Variants in SLC17A5 observed in about 807,000 individuals in gnomAD.
The protein encoded by SLC17A5 is sialin.
A neutral mutation model predicts 59.4 loss-of-function variants in SLC17A5; 47 were observed. The observed-to-expected ratio is 0.79, with a 90% CI of 0.63 to 1.01. The LOEUF is 1.01. Ranked by LOEUF, SLC17A5 falls within the 50% of genes least tolerant of loss-of-function variation. The probability of loss-of-function intolerance (pLI) is 0.00; values close to 1 mark genes in which losing one functional copy is unlikely to be tolerated. For missense variants in SLC17A5, 522 were observed against 595.5 expected (o/e 0.88, Z 1.28); for synonymous variants, 202 against 210.7 (o/e 0.96, Z 0.36).
At chr6:73,614,585 T>C (rs1581965472) in intron 8 of SLC17A5, among the ~76,000 whole-genome samples, 1 of 152,170 alleles carries the variant, frequency 6.6e-6, no homozygotes, top group Admixed American at 6.6e-5. Context: ...GGATTAGAGG[T>C]CTGGGACTTT....
intron 10 of SLC17A5, among the ~76,000 whole-genome samples, chr6:73,598,058 T>G (rs1378465591): frequency 2.6e-5 from 4 of 152,220 alleles, no homozygotes; most frequent in Non-Finnish European, 5.9e-5. Context: ...TTGAAACAGC[T>G]TCTTAGGATT....
chr6:73,627,413 A>G (rs1172272741), intron 6 of SLC17A5, among the ~76,000 whole-genome samples: 1 of 152,130 alleles, frequency 6.6e-6, no homozygotes. Context: ...AATTAAAAAT[A>G]TAACAGCCAC....
intron 10 of SLC17A5, among the ~76,000 whole-genome samples, chr6:73,597,987 C>T (rs745542941): frequency 1.3e-5 from 2 of 152,160 alleles, no homozygotes. Context: ...ATCTTAGATA[C>T]TCATCTTAAA....
At chr6:73,642,414 C>T (rs1320622349) in intron 2 of SLC17A5, among the ~76,000 whole-genome samples, 5 of 152,128 alleles carry the variant, frequency 3.3e-5, no homozygotes, top group East Asian at 1.9e-4. Flanking sequence ...TATTACTTAC[C>T]GAATGTGTGA....
At chr6:73,639,447 C>A (rs1289415161) in intron 3 of SLC17A5, among the ~76,000 whole-genome samples, 1 of 151,998 alleles carries the variant, frequency 6.6e-6, no homozygotes, top group African/African-American at 2.4e-5. Context: ...AAAAGTAATA[C>A]CAATGGAAGG....
chr6:73,612,266 A>G (rs1390056849), intron 8 of SLC17A5, among the ~76,000 whole-genome samples: 1 of 151,714 alleles, frequency 6.6e-6, no homozygotes, highest in Non-Finnish European at 1.5e-5. Context: ...AGGTTCAAGC[A>G]ATTCTCCTGC....
In SLC17A5 at chr6:73,595,166, T is replaced by A. The variant is rs753602797; in HGVS notation, c.1399A>T (p.Asn467Tyr). 1 of 1,614,096 alleles carries A rather than the reference T, an allele frequency of 6.2e-7. No homozygotes were observed. Among genetic ancestry groups the A allele is most frequent in the South Asian group, 1.1e-5 (1 of 91,084 alleles). The change falls in exon 11 of 11, where the codon AAT becomes TAT. Residue 467 changes from asparagine to tyrosine, a missense_variant. Asn to Tyr is a moderately radical substitution (Grantham distance 143). This residue lies in a region of SLC17A5 where 153 missense variants were observed against 168.5 expected (regional missense o/e 0.91). Transcript: ENST00000355773. ...QTVFYIAAAI[N>Y]VFGAIFFTLF... is the part of the protein sequence containing the mutation. Reference sequence around the variant, plus strand: ...GTAAAGAAAATGGCACCAAAAACATTAATAGCAGCAGCAATATAGAACACG... The same window carrying A: ...GTAAAGAAAATGGCACCAAAAACATAAATAGCAGCAGCAATATAGAACACG...
At chr6:73,627,713 C>T (rs1768496697) in intron 6 of SLC17A5, among the ~76,000 whole-genome samples, 1 of 151,446 alleles carries the variant, frequency 6.6e-6, no homozygotes, top group African/African-American at 2.4e-5. Flanking sequence ...ACTGCAGCCT[C>T]TGCCTCCCAG....
At chr6:73,611,301 C>T (rs758913830) in intron 8 of SLC17A5, among the ~76,000 whole-genome samples, 14 of 151,882 alleles carry the variant, frequency 9.2e-5, no homozygotes, top group Non-Finnish European at 1.8e-4. Context: ...TTTTTTTGAG[C>T]TGGAGTCTCA....
At chr6:73,637,294 T>C (rs1369488845) in intron 4 of SLC17A5, among the ~76,000 whole-genome samples, 4 of 152,182 alleles carry the variant, frequency 2.6e-5, no homozygotes, top group Non-Finnish European at 5.9e-5. Context: ...TGCTAGGCAC[T>C]ATCTGCCAGA....
At chr6:73,612,687 AC>A (rs1767684303) in intron 8 of SLC17A5, among the ~76,000 whole-genome samples, 1 of 152,074 alleles carries the variant, frequency 6.6e-6, no homozygotes, top group Non-Finnish European at 1.5e-5. Flanking sequence ...AGATTTTCTC[AC>A]CTTAGCCTCT....
At chr6:73,649,080 C>A (rs1581993658) in intron 1 of SLC17A5, among the ~76,000 whole-genome samples, 1 of 151,800 alleles carries the variant, frequency 6.6e-6, no homozygotes, top group African/African-American at 2.4e-5. Flanking sequence ...TCACTGCAAC[C>A]TCCATCTTCC....
rs548885264 is a variant in SLC17A5 at position 73,642,156 on chromosome 6, TAA to T, written c.292-234_292-233del. ...AACTTCAAGAAGGCTTGCAATTTTA[TAA>T]AACTAGACTGCAGGATGAGCTGCCA... On this transcript the variant is annotated intron_variant, in intron 2 of 10. Transcript: ENST00000355773. 7.9e-5 allele frequency among the ~76,000 whole-genome samples: 12 copies of T among 152,348 alleles called. No homozygotes were observed. The East Asian group carries it at 2.3e-3, about 29-fold the overall frequency.
At chr6:73,604,134 C>CT (rs892882001) in intron 9 of SLC17A5, among the ~76,000 whole-genome samples, 117 of 146,360 alleles carry the variant, frequency 8.0e-4, no homozygotes, top group Middle Eastern at 3.6e-3. Flanking sequence ...CAGAGCCTCT[C>CT]TTTTTTTTTT....
At chr6:73,645,493 A>G (rs890007147) in intron 1 of SLC17A5, 16 of 954,528 alleles carry the variant, frequency 1.7e-5, no homozygotes, top group Non-Finnish European at 2.0e-5. Context: ...CACCATGATT[A>G]AAAAAAAAGG....
At chr6:73,604,993 T>C (rs1418024966) in intron 9 of SLC17A5, among the ~76,000 whole-genome samples, 1 of 152,214 alleles carries the variant, frequency 6.6e-6, no homozygotes, top group Non-Finnish European at 1.5e-5. Flanking sequence ...ATCTTCATTT[T>C]ATTTTTAAAA....
intron 3 of SLC17A5, among the ~76,000 whole-genome samples, chr6:73,640,965 A>G (rs1769251063): frequency 6.6e-6 from 1 of 152,232 alleles, no homozygotes; most frequent in African/African-American, 2.4e-5. Context: ...GCGATAAAAA[A>G]GAAATTAAAT....
rs1214170788 is a variant in SLC17A5 at position 73,600,379 on chromosome 6, G to A, written c.1322C>T (p.Pro441Leu). ...TFATIPGMVG[P>L]VIAKSLTPDN... Reference sequence around the variant, plus strand: ...AGGGGTCAGACTTTTAGCAATGACGGGCCCAACCATTCCTGGAATAGTGGC... The same window carrying A: ...AGGGGTCAGACTTTTAGCAATGACGAGCCCAACCATTCCTGGAATAGTGGC... The change falls in exon 10 of 11, where the codon CCC (proline) becomes CTC (leucine). Residue 441 changes from proline to leucine, a missense_variant. Pro to Leu is a moderately conservative substitution (Grantham distance 98). This residue lies in a region of SLC17A5 where 153 missense variants were observed against 168.5 expected (regional missense o/e 0.91). Transcript: ENST00000355773. 7 of 1,613,870 alleles carry A rather than the reference G, an allele frequency of 4.3e-6. No homozygotes were observed. The Admixed American group carries it at 6.7e-5, about 15-fold the overall frequency.
chr6:73,610,565 T>C lies in SLC17A5; in HGVS notation c.1112-18A>G, dbSNP rs751782561. The stretch of plus-strand genomic sequence containing the variant: ...AATCATTCCTGGAGTTAAAAAGTTA[T>C]AAAAGGGAAAAAACACCCAGCATTA... On this transcript the variant is annotated intron_variant, in intron 8 of 10. Transcript: ENST00000355773. 705 of 1,613,394 alleles carry C rather than the reference T, an allele frequency of 4.4e-4. 3 individuals carry two copies. Among genetic ancestry groups the C allele is most frequent in the Non-Finnish European group, 2.4e-4 (288 of 1,179,684 alleles).
Sources: allele counts gnomAD v4.1 joint callset (sites outside exome capture counted in the v4.1 genomes callset), GRCh38; gene constraint gnomAD v4.1.1; regional missense constraint gnomAD v4.1.1; transcripts MANE v1.5; gene names NCBI Gene and HGNC (gene_info 2026-07-23, HGNC 2026-07-21).